Variants in NFIB observed in about 807,000 individuals in gnomAD.
NFIB encodes nuclear factor I B.
Under a neutral mutation model 61.5 loss-of-function variants are expected in NFIB, and 11 were observed. The observed-to-expected ratio is 0.18, with a 90% CI of 0.11 to 0.30. NFIB has a LOEUF of 0.30. NFIB is among the 10% of genes least tolerant of loss of function. The probability of loss-of-function intolerance (pLI) is 1.00; values close to 1 mark genes in which losing one functional copy is unlikely to be tolerated. For synonymous variants in NFIB, 260 were observed against 216.5 expected, an observed-to-expected ratio of 1.20 and a Z score of -1.76; for missense variants, 471 against 608.9, an observed-to-expected ratio of 0.77 and a Z score of 2.38.
chr9:14,483,608 G>A, the NFIB span, among the ~76,000 whole-genome samples: 1 of 152,128 alleles, frequency 6.6e-6, no homozygotes, highest in Non-Finnish European at 1.5e-5. Context: ...TGAGTTTGAC[G>A]AGAGTACCTG....
At chr9:14,484,084 T>C in the NFIB span, among the ~76,000 whole-genome samples, 1 of 152,238 alleles carries the variant, frequency 6.6e-6, no homozygotes, top group Non-Finnish European at 1.5e-5. Context: ...TGTTACCTAC[T>C]TTATTACCTA....
chr9:14,281,862 G>T (rs915929895), intron 2 of NFIB, among the ~76,000 whole-genome samples: 1 of 151,928 alleles, frequency 6.6e-6, no homozygotes, highest in African/African-American at 2.4e-5. Flanking sequence ...TTTTTTTAGG[G>T]AAATTAATTC....
At chr9:14,432,052 A>C in the NFIB span, among the ~76,000 whole-genome samples, 2 of 152,188 alleles carry the variant, frequency 1.3e-5, no homozygotes, top group Non-Finnish European at 2.9e-5. Flanking sequence ...TCTTACTGTG[A>C]GACTGGCCTC....
the NFIB span, among the ~76,000 whole-genome samples, chr9:14,423,748 C>T: frequency 6.6e-6 from 1 of 152,206 alleles, no homozygotes; most frequent in Non-Finnish European, 1.5e-5. Context: ...CTGTTGATCC[C>T]AATTTTCTGT....
At chr9:14,362,673 A>G (rs1428486709) in intron 1 of NFIB, 1 of 152,026 alleles carries the variant, frequency 6.6e-6, no homozygotes, top group African/African-American at 2.4e-5. Context: ...GGCAGGGAGG[A>G]TCTCGTAAGG....
At chr9:14,506,269 G>C in the NFIB span, among the ~76,000 whole-genome samples, 1 of 152,076 alleles carries the variant, frequency 6.6e-6, no homozygotes, top group Non-Finnish European at 1.5e-5. Context: ...TGCCCACAGA[G>C]GGTTTTTTAG....
chr9:14,319,305 C>T (rs1041551305), intron 1 of NFIB, among the ~76,000 whole-genome samples: 1 of 152,146 alleles, frequency 6.6e-6, no homozygotes, highest in African/African-American at 2.4e-5. Context: ...TAAGGTTATC[C>T]GGTTTTCACT....
At chr9:14,176,095 T>C (rs1471255671) in intron 3 of NFIB, among the ~76,000 whole-genome samples, 2 of 152,068 alleles carry the variant, frequency 1.3e-5, no homozygotes, top group African/African-American at 4.8e-5. Flanking sequence ...AATCACACAT[T>C]TCCTAAAAGT....
At chr9:14,203,991 A>T (rs898252077) in intron 2 of NFIB, among the ~76,000 whole-genome samples, 6 of 152,198 alleles carry the variant, frequency 3.9e-5, no homozygotes, top group Non-Finnish European at 7.3e-5. Context: ...TACTACAGAG[A>T]AGCATAAGCA....
the NFIB span, among the ~76,000 whole-genome samples, chr9:14,438,226 G>A: frequency 1.3e-5 from 2 of 152,082 alleles, no homozygotes; most frequent in Admixed American, 1.3e-4. Context: ...GTTTTTAGGG[G>A]GAAAATAAGA....
intron 2 of NFIB, among the ~76,000 whole-genome samples, chr9:14,223,325 C>T (rs907647400): frequency 3.9e-5 from 6 of 152,206 alleles, no homozygotes; most frequent in Admixed American, 3.3e-4. Flanking sequence ...CCTCGCCTTA[C>T]TGATAAGTGA....
intron 4 of NFIB, among the ~76,000 whole-genome samples, chr9:14,154,694 A>T (rs1366108605): frequency 6.6e-6 from 1 of 152,150 alleles, no homozygotes; most frequent in Non-Finnish European, 1.5e-5. Flanking sequence ...CCACTCTAGA[A>T]TTATACCAGA....
the NFIB span, among the ~76,000 whole-genome samples, chr9:14,430,351 C>G: frequency 4.0e-5 from 6 of 148,298 alleles, no homozygotes; most frequent in African/African-American, 1.5e-4. Context: ...GTAGTTGACT[C>G]TGAGGAAGAA....
chr9:14,308,425 G>T (rs747261439), intron 1 of NFIB, among the ~76,000 whole-genome samples: 65 of 152,160 alleles, frequency 4.3e-4, no homozygotes, highest in Non-Finnish European at 7.6e-4. Context: ...TTACATGAAT[G>T]TTCTTCCATC....
intron 2 of NFIB, among the ~76,000 whole-genome samples, chr9:14,305,236 C>A (rs531635974): frequency 2.2e-4 from 34 of 152,230 alleles, no homozygotes; most frequent in Non-Finnish European, 4.4e-4. Context: ...TGCATGCAGG[C>A]AGGCACACCT....
chr9:14,100,265 C>T (rs547414164), intron 10 of NFIB, among the ~76,000 whole-genome samples: 3 of 152,242 alleles, frequency 2.0e-5, no homozygotes, highest in South Asian at 4.1e-4. Context: ...ATTACCACAT[C>T]AATTTTTCAC....
intron 6 of NFIB, among the ~76,000 whole-genome samples, chr9:14,131,894 C>G (rs2040448428): frequency 6.6e-6 from 1 of 152,074 alleles, no homozygotes; most frequent in African/African-American, 2.4e-5. Flanking sequence ...GCTCAAACAG[C>G]ACCTTAACAC....
At chr9:14,433,342 T>G in the NFIB span, among the ~76,000 whole-genome samples, 2 of 152,226 alleles carry the variant, frequency 1.3e-5, no homozygotes, top group African/African-American at 4.8e-5. Flanking sequence ...ATGCCCTTTA[T>G]CAGACCCAAA....
chr9:14,368,484 T>G (rs916501500), intron 1 of NFIB, among the ~76,000 whole-genome samples: 3 of 152,240 alleles, frequency 2.0e-5, no homozygotes, highest in African/African-American at 7.2e-5. Context: ...AGGGCCACCG[T>G]GTTTCACCAG....
Sources: gnomAD v4.1 joint callset for allele counts (sites outside exome capture counted in the v4.1 genomes callset) on GRCh38, gnomAD v4.1.1 for gene constraint, MANE v1.5 for transcripts, NCBI Gene and HGNC (gene_info 2026-07-23, HGNC 2026-07-21) for gene names.